ZNF521: variants seen among roughly 807,000 people sequenced by gnomAD.
ZNF521 encodes the protein zinc finger protein 521.
ZNF521 carries 14 observed loss-of-function variants against 105.5 expected under a neutral mutation model. The ratio of observed to expected loss-of-function variants is 0.13; its 90% CI spans 0.09 to 0.21. The LOEUF is 0.21. ZNF521 is among the 10% of genes least tolerant of loss of function. The pLI is 1.00. For synonymous variants in ZNF521, 635 were observed against 606.0 expected, an observed-to-expected ratio of 1.05 and a Z score of -0.70; for missense variants, 1,233 against 1,629.7, an observed-to-expected ratio of 0.76 and a Z score of 4.19.
chr18:25,094,214 C>A (rs761322189), intron 5 of ZNF521, among the ~76,000 whole-genome samples: 5 of 152,070 alleles, frequency 3.3e-5, no homozygotes, highest in Non-Finnish European at 7.4e-5. Context: ...GAATTATGCA[C>A]ATTAGGATGT....
chr18:25,146,290 A>G (rs1024887794), intron 5 of ZNF521, among the ~76,000 whole-genome samples: 3 of 152,178 alleles, frequency 2.0e-5, no homozygotes, highest in Admixed American at 2.0e-4. Context: ...AGAGTTGCTT[A>G]ATTCTCATAA....
intron 7 of ZNF521, among the ~76,000 whole-genome samples, chr18:25,063,868 T>C (rs1214305435): frequency 6.6e-6 from 1 of 152,156 alleles, no homozygotes; most frequent in Non-Finnish European, 1.5e-5. Context: ...GCTCAAAATA[T>C]CACCACTTCC....
intron 5 of ZNF521, among the ~76,000 whole-genome samples, chr18:25,148,940 C>T (rs1173205265): frequency 6.6e-6 from 1 of 152,086 alleles, no homozygotes; most frequent in Non-Finnish European, 1.5e-5. Context: ...CTGTTATGTC[C>T]CTTTTCAGTG....
intron 2 of ZNF521, among the ~76,000 whole-genome samples, chr18:25,344,897 C>A (rs1019457019): frequency 6.6e-6 from 1 of 152,250 alleles, no homozygotes; most frequent in Admixed American, 6.5e-5. Flanking sequence ...CAATGTGAAT[C>A]CTGACAGATG....
At chr18:25,338,788 ATGTGAAAAT>A (rs1236377126) in intron 2 of ZNF521, among the ~76,000 whole-genome samples, 2 of 152,208 alleles carry the variant, frequency 1.3e-5, no homozygotes, top group African/African-American at 2.4e-5. Context: ...AACCTCCTTG[ATGTGAAAAT>A]TGTGCTAAGA....
intron 5 of ZNF521, among the ~76,000 whole-genome samples, chr18:25,173,126 C>T (rs771256849): frequency 6.6e-6 from 1 of 152,182 alleles, no homozygotes; most frequent in African/African-American, 2.4e-5. Flanking sequence ...CTGAGTGCGT[C>T]CTACAGTGAT....
rs769680371 is a variant in ZNF521, at chr18:25,137,103, G to C, written c.3659-45022C>G. On this transcript the variant is annotated intron_variant, in intron 5 of 7. Coordinates refer to ENST00000361524, the MANE Select transcript of ZNF521 (RefSeq NM_015461.3). ...TAAAAACAAGTGTTCCATTTCTGGTGCTTTTTAAATGTAATTGAAAGACTG... is the reference window on the plus strand; with the variant it reads ...TAAAAACAAGTGTTCCATTTCTGGTCCTTTTTAAATGTAATTGAAAGACTG... 8.5e-5 allele frequency among the ~76,000 whole-genome samples: 13 copies of C among 152,282 alleles called. 2 individuals are homozygous for C. The East Asian group carries it at 2.5e-3, about 29-fold the overall frequency.
At position 25,227,317 on chromosome 18, in the gene ZNF521, G is replaced by C; in HGVS notation, c.601C>G (p.Pro201Ala). 5.6e-6 allele frequency: 9 copies of C among 1,614,154 alleles called. No individual in the cohort carries two copies. The highest frequency in any genetic ancestry group is 7.6e-6 in the Non-Finnish European group (9 of 1,180,022). ...CGGCGACAAATGGCACATTTATATG[G>C]CTTGTTGGACGTGTGAGTCTTTAAG... is the stretch of plus-strand genomic sequence containing the variant. ...IHLKTHTSNK[P>A]YKCAICRRGF... Residue 201 changes from proline to alanine, a missense_variant, in exon 4 of 8, where the codon CCA (proline) becomes GCA (alanine). Around this residue, in one of 6 missense-constraint regions of ZNF521, gnomAD observed 380 missense variants for 478.0 expected, o/e 0.80. Coordinates refer to ENST00000361524, the MANE Select transcript of ZNF521 (RefSeq NM_015461.3). This position sits in a 1 kb window ranked among gnomAD's most constrained non-coding sequence, Gnocchi z 5.7.
chr18:25,176,331 G>A (rs568410067), intron 5 of ZNF521, among the ~76,000 whole-genome samples: 3 of 152,268 alleles, frequency 2.0e-5, no homozygotes, highest in South Asian at 2.1e-4. Flanking sequence ...GCTAAAGAGC[G>A]CTCTAATTAA....
At chr18:25,302,253 T>C (rs7228176) in intron 3 of ZNF521, 56,582 of 151,380 alleles carry the variant, frequency 0.37, 10,686 homozygotes, top group Admixed American at 0.43. Context: ...AAGAGGTGTG[T>C]GGCAGCACTC....
intron 3 of ZNF521, among the ~76,000 whole-genome samples, chr18:25,308,648 A>AC (rs764455271): frequency 1.1e-4 from 13 of 116,358 alleles, no homozygotes; most frequent in East Asian, 2.5e-4. Flanking sequence ...CCTTAATGAC[A>AC]TCCCCCCCCC....
At chr18:25,129,958 CAT>C (rs2144390059) in intron 5 of ZNF521, among the ~76,000 whole-genome samples, 1 of 152,246 alleles carries the variant, frequency 6.6e-6, no homozygotes, top group African/African-American at 2.4e-5. Context: ...ATAATATTAA[CAT>C]ATTATTTCAG....
chr18:25,277,163 A>G (rs1231495700), intron 3 of ZNF521, among the ~76,000 whole-genome samples: 1 of 151,318 alleles, frequency 6.6e-6, no homozygotes, highest in Non-Finnish European at 1.5e-5. Context: ...AGCCTGAGTG[A>G]CAGAGCAAGA....
intron 5 of ZNF521, among the ~76,000 whole-genome samples, chr18:25,160,036 G>A (rs932898305): frequency 6.6e-6 from 1 of 152,176 alleles, no homozygotes; most frequent in African/African-American, 2.4e-5. Context: ...AAGTTCTAGA[G>A]ATGGGAAGAT....
At chr18:25,285,248 A>T (rs1910634086) in intron 3 of ZNF521, among the ~76,000 whole-genome samples, 1 of 152,182 alleles carries the variant, frequency 6.6e-6, no homozygotes, top group East Asian at 1.9e-4. Context: ...GACACGCAAC[A>T]ATATAACTCT....
intron 3 of ZNF521, among the ~76,000 whole-genome samples, chr18:25,234,703 G>A (rs1013645339): frequency 1.3e-5 from 2 of 152,084 alleles, no homozygotes; most frequent in Non-Finnish European, 2.9e-5. Flanking sequence ...ACCTATAAGT[G>A]ATAAGTGGTA....
Position 25,294,853 on chromosome 18 carries a change from CAAAAAAAAAAAAAAAAA to C in ZNF521, c.220+27138_220+27154del, listed in dbSNP as rs34529787. ...CTGGCGACAGAGCAAGATTCTGTCT[CAAAAAAAAAAAAAAAAA>C]AAAAAAAAAAAGGAGCAGGTTTGGG... On this transcript the variant is annotated intron_variant, in intron 3 of 7. Coordinates refer to ENST00000361524, the MANE Select transcript of ZNF521 (RefSeq NM_015461.3). Among the ~76,000 whole-genome samples the C allele has an allele frequency of 3.0e-3, 179 of 59,542 alleles. 2 individuals carry two copies. The highest frequency in any genetic ancestry group is 0.012 in the African/African-American group (151 of 13,116). 39.1% of individuals were successfully genotyped at this position (59,542 alleles called of 152,430 possible).
At chr18:25,114,832 T>A (rs2034271663) in intron 5 of ZNF521, among the ~76,000 whole-genome samples, 1 of 152,248 alleles carries the variant, frequency 6.6e-6, no homozygotes, top group Non-Finnish European at 1.5e-5. Context: ...TAATTACAAG[T>A]ACTCTGGTTC....
rs1600121138 is a variant in ZNF521 at position 25,176,444 on chromosome 18, T to G, written c.3658+18716A>C. Among the ~76,000 whole-genome samples the G allele has an allele frequency of 5.3e-5, 8 of 152,378 alleles. No homozygotes were observed. In the South Asian group the frequency reaches 1.7e-3, roughly 32 times the overall value. On this transcript the variant is annotated intron_variant, in intron 5 of 7. Transcript: ENST00000361524. ...GGGTCTCATAATGAGAAAACTGTGATATGCAAAAACTCTGTGAAATCTTTT... is the reference window on the plus strand; with the variant it reads ...GGGTCTCATAATGAGAAAACTGTGAGATGCAAAAACTCTGTGAAATCTTTT...
Sources: allele counts gnomAD v4.1 joint callset (sites outside exome capture counted in the v4.1 genomes callset), GRCh38; gene constraint gnomAD v4.1.1; regional missense constraint gnomAD v4.1.1; non-coding constraint Gnocchi (gnomAD v3.1); transcripts MANE v1.5; gene names NCBI Gene and HGNC (gene_info 2026-07-23, HGNC 2026-07-21).